The following ZNF616 variants were observed in gnomAD, a reference collection of about 807,000 sequenced individuals.
The protein encoded by ZNF616 is zinc finger protein 616.
ZNF616 carries 5 observed loss-of-function variants against 7.6 expected under a neutral mutation model. The ratio of observed to expected loss-of-function variants is 0.66; its 90% CI spans 0.34 to 1.38. ZNF616 has a LOEUF of 1.38. Ranked by LOEUF, ZNF616 falls within the 40% of genes most tolerant of loss-of-function variation. ZNF616 has a pLI of 0.04. For missense variants in ZNF616, 913 were observed against 948.3 expected, an observed-to-expected ratio of 0.96 and a Z score of 0.49; for synonymous variants, 319 against 317.2, an observed-to-expected ratio of 1.01 and a Z score of -0.06.
At chr19:52,138,606 A>G (rs1447782434) in intron 1 of ZNF616, 1 of 151,630 alleles carries the variant, frequency 6.6e-6, no homozygotes, top group African/African-American at 2.4e-5. Flanking sequence ...ATGCTTCGAA[A>G]TTTATTTCAC....
chr19:52,137,175 T>C (rs2089018313), intron 1 of ZNF616, among the ~76,000 whole-genome samples: 1 of 151,002 alleles, frequency 6.6e-6, no homozygotes, highest in Non-Finnish European at 1.5e-5. Context: ...TCCCAGCACT[T>C]TGGGAGGCCG....
At chr19:52,134,442 G>A (rs549129189) in intron 1 of ZNF616, among the ~76,000 whole-genome samples, 76 of 152,268 alleles carry the variant, frequency 5.0e-4, no homozygotes, top group Admixed American at 3.5e-3. Flanking sequence ...CTTTGGCTGG[G>A]GTAGTAGGAA....
intron 3 of ZNF616, among the ~76,000 whole-genome samples, chr19:52,118,423 T>A (rs907769210): frequency 6.6e-6 from 1 of 152,246 alleles, no homozygotes; most frequent in Non-Finnish European, 1.5e-5. Flanking sequence ...AGACTTAATG[T>A]CTGCCAAAAT....
intron 3 of ZNF616, among the ~76,000 whole-genome samples, chr19:52,117,560 T>A (rs538617436): frequency 2.0e-5 from 3 of 152,132 alleles, no homozygotes; most frequent in Admixed American, 2.0e-4. Flanking sequence ...ATATACAATA[T>A]ACTTAGAATT....
intron 2 of ZNF616, among the ~76,000 whole-genome samples, chr19:52,126,490 C>T (rs2088909036): frequency 6.7e-6 from 1 of 150,070 alleles, no homozygotes; most frequent in Non-Finnish European, 1.5e-5. Flanking sequence ...ACTCCAGCCT[C>T]GGCAATAGAG....
Position 52,114,959 on chromosome 19 carries a change from G to T in ZNF616, c.2205C>A (p.His735Gln). 6.2e-7 allele frequency: 1 copy of T among 1,614,088 alleles called. No individual in the cohort carries two copies. The highest frequency in any genetic ancestry group is 8.5e-7 in the Non-Finnish European group (1 of 1,179,992). ...AFGRLFSLSKHQRIHSGKKPY... is the reference protein window; with the variant it reads ...AFGRLFSLSKQQRIHSGKKPY... ...GTTTTTTGCCAGAATGAATTCTTTG[G>T]TGTTTGCTGAGGGAAAACAACCGCC... Residue 735 changes from histidine (H) to glutamine (Q), a missense_variant, in exon 4 of 4, where the codon CAC becomes CAA. Coordinates refer to ENST00000600228, the MANE Select transcript of ZNF616 (RefSeq NM_178523.5).
rs2088809464 is a variant in ZNF616, at chr19:52,115,346, T to C, written c.1818A>G (p.Lys606=). The change falls in exon 4 of 4, where the codon AAA becomes AAG. Residue 606 remains lysine, a synonymous_variant. Coordinates refer to ENST00000600228, the MANE Select transcript of ZNF616 (RefSeq NM_178523.5). ...TAAAGGCTTTGCCACATTCATGACA[T>C]TTGTATGGTTTCTCTCCAGTATGAA... ...RRVHTGEKPY[K]CHECGKAFNQ... is the part of the protein sequence containing the mutation. 1 of 1,614,132 alleles carries C rather than the reference T, an allele frequency of 6.2e-7. No individual in the cohort carries two copies. The highest frequency in any genetic ancestry group is 1.1e-5 in the South Asian group (1 of 91,092).
chr19:52,131,264 CAAAAAAAAAA>C (rs61359785), intron 1 of ZNF616, among the ~76,000 whole-genome samples: 3 of 39,746 alleles, frequency 7.5e-5, no homozygotes, highest in African/African-American at 8.8e-5. Flanking sequence ...ACTCTGTCAC[CAAAAAAAAAA>C]AAAAAAAAAA....
At chr19:52,129,572 G>T (rs1433833972) in intron 2 of ZNF616, among the ~76,000 whole-genome samples, 1 of 152,096 alleles carries the variant, frequency 6.6e-6, no homozygotes, top group Admixed American at 6.5e-5. Flanking sequence ...GTCTCTGTGA[G>T]ATGGATATTC....
Position 52,124,010 on chromosome 19 carries a change from G to C in ZNF616, c.52C>G (p.Gln18Glu). The C allele has an allele frequency of 6.2e-7, 1 of 1,612,926 alleles. No individual in the cohort carries two copies. The highest frequency in any genetic ancestry group is 8.5e-7 in the Non-Finnish European group (1 of 1,179,722). ...GGCTCCAGGCATTTCCACTCCTCCT[G>C]AGAGAATTCTATGGCTACATCCTTG... ...TFKDVAIEFS[Q>E]EEWKCLEPVQ... Residue 18 changes from glutamine to glutamate, a missense_variant, in exon 3 of 4, where the codon CAG becomes GAG. Coordinates refer to ENST00000600228, the MANE Select transcript of ZNF616 (RefSeq NM_178523.5).
chr19:52,115,151 T>A lies in ZNF616; in HGVS notation c.2013A>T (p.Lys671Asn), dbSNP rs1190822024. Residue 671 changes from lysine to asparagine, a missense_variant, in exon 4 of 4, where the codon AAA becomes AAT. Physicochemically the swap from Lys to Asn is moderately conservative, Grantham distance 94 (BLOSUM62 0). Transcript: ENST00000600228. The part of the protein sequence containing the change: ...YKCNECGKTF[K>N]RSSNLTAHQI... ...GATGTGCAGTGAGGTTTGAGCTCCG[T>A]TTAAAGGTTTTGCCACACTCATTAC... 6.8e-6 allele frequency: 11 copies of A among 1,613,962 alleles called. No individual in the cohort carries two copies. The highest frequency in any genetic ancestry group is 1.3e-5 in the African/African-American group (1 of 74,950).
chr19:52,123,777 G>T, intron 3 of ZNF616, 146 bp downstream of exon 3: 1 of 904,412 alleles, frequency 1.1e-6, no homozygotes. Flanking sequence ...ACAGTGAAAG[G>T]CCAGATGCAG....
At chr19:52,120,292 T>A (rs917544605) in intron 3 of ZNF616, among the ~76,000 whole-genome samples, 2 of 152,130 alleles carry the variant, frequency 1.3e-5, no homozygotes, top group Admixed American at 6.5e-5. Context: ...TTTTCTGTAA[T>A]TGCAATGGTA....
At chr19:52,127,972 A>T (rs1311098439) in intron 2 of ZNF616, among the ~76,000 whole-genome samples, 1 of 152,160 alleles carries the variant, frequency 6.6e-6, no homozygotes, top group Non-Finnish European at 1.5e-5. Context: ...CAGAACTTAC[A>T]ACTGTAGCTC....
chr19:52,123,990 C>CA lies in ZNF616; in HGVS notation c.71dup (p.Glu25GlyfsTer17), dbSNP rs778822911. 1 of 1,614,006 alleles carries CA rather than the reference C, an allele frequency of 6.2e-7. No homozygotes were observed. The highest frequency in any genetic ancestry group is 1.7e-5 in the Admixed American group (1 of 59,980). On this transcript the variant is annotated frameshift_variant, in exon 3 of 4. Transcript: ENST00000600228. LOFTEE classifies it high-confidence loss of function. ...TGTACAAAGCTTTCTGCACAGGCTCCAGGCATTTCCACTCCTCCTGAGAGA... is the reference window on the plus strand; with the variant it reads ...TGTACAAAGCTTTCTGCACAGGCTCCAAGGCATTTCCACTCCTCCTGAGAGA...
At chr19:52,137,157 G>A (rs2089018152) in intron 1 of ZNF616, among the ~76,000 whole-genome samples, 1 of 151,252 alleles carries the variant, frequency 6.6e-6, no homozygotes, top group South Asian at 2.1e-4. Flanking sequence ...AGTGGCTCAC[G>A]CCTGTAATCC....
Position 52,116,174 on chromosome 19 carries a change from A to G in ZNF616, c.990T>C (p.Cys330=). ...TTGAGCTCCGTTTAAAGGTTTTGCCACACTCATTACATTTGAAGGGTCTCT... is the reference window on the plus strand; with the variant it reads ...TTGAGCTCCGTTTAAAGGTTTTGCCGCACTCATTACATTTGAAGGGTCTCT... ...TGERPFKCNE[C]GKTFKRSSNL... Residue 330 remains cysteine (C), a synonymous_variant, in exon 4 of 4, where the codon TGT becomes TGC. Transcript: ENST00000600228. 6.2e-7 allele frequency: 1 copy of G among 1,614,196 alleles called. No individual in the cohort carries two copies. The highest frequency in any genetic ancestry group is 8.5e-7 in the Non-Finnish European group (1 of 1,180,038).
chr19:52,132,528 G>A lies in ZNF616; in HGVS notation c.-76-1940C>T, dbSNP rs555362556. On this transcript the variant is annotated intron_variant, in intron 1 of 3. Transcript: ENST00000600228. ...TGGATCATGGGGGTGGATTTGTGAT[G>A]AATGGTTTCGCACCACCCCTTGGTG... Among the ~76,000 whole-genome samples, 4 of 152,288 alleles carry A rather than the reference G, an allele frequency of 2.6e-5. No homozygotes were observed. In the East Asian group the frequency reaches 7.7e-4, roughly 29 times the overall value.
At chr19:52,121,985 T>C (rs1260759661) in intron 3 of ZNF616, among the ~76,000 whole-genome samples, 1 of 151,844 alleles carries the variant, frequency 6.6e-6, no homozygotes, top group Non-Finnish European at 1.5e-5. Context: ...GTCCTTGAAG[T>C]GCAAGAAATG....
Sources: allele counts gnomAD v4.1 joint callset (sites outside exome capture counted in the v4.1 genomes callset), GRCh38; gene constraint gnomAD v4.1.1; transcripts MANE v1.5; gene names NCBI Gene and HGNC (gene_info 2026-07-23, HGNC 2026-07-21).